Variants in PRKCE observed in about 807,000 individuals in gnomAD.
PRKCE encodes protein kinase C epsilon type.
Under a neutral mutation model 85.4 loss-of-function variants are expected in PRKCE, and 16 were observed. That is an observed-to-expected ratio of 0.19 (90% CI 0.13 to 0.28). The LOEUF is 0.28. PRKCE is among the 10% of genes least tolerant of loss of function. PRKCE has a pLI of 1.00. For synonymous variants in PRKCE, 388 were observed against 371.5 expected, an observed-to-expected ratio of 1.04 and a Z score of -0.51; for missense variants, 573 against 975.2, an observed-to-expected ratio of 0.59 and a Z score of 5.49.
chr2:45,670,362 C>T (rs796202332), intron 1 of PRKCE, among the ~76,000 whole-genome samples: 10 of 152,296 alleles, frequency 6.6e-5, no homozygotes, highest in African/African-American at 2.4e-4. Context: ...TTTTCAAACT[C>T]TGGGTCAGGA....
chr2:46,126,181 A>C (rs1673829670), intron 11 of PRKCE, among the ~76,000 whole-genome samples: 1 of 152,190 alleles, frequency 6.6e-6, no homozygotes, highest in African/African-American at 2.4e-5. Flanking sequence ...GATTCCATTC[A>C]ACCCACAGAG....
At chr2:45,728,433 C>T (rs753884135) in intron 1 of PRKCE, among the ~76,000 whole-genome samples, 6 of 152,198 alleles carry the variant, frequency 3.9e-5, no homozygotes, top group Non-Finnish European at 5.9e-5. Context: ...TCACCAGAAC[C>T]CTTCCCCCAA....
intron 13 of PRKCE, 103 bp downstream of exon 13, chr2:46,151,332 T>A: frequency 9.4e-7 from 1 of 1,063,784 alleles, no homozygotes. Context: ...CACTCCCTTC[T>A]CCCTTTCTCT....
In PRKCE at chr2:46,180,777, G is replaced by A. The variant is rs202082042; in HGVS notation, c.2068-3958G>A. On this transcript the variant is annotated intron_variant, in intron 14 of 14. Coordinates refer to ENST00000306156, the MANE Select transcript of PRKCE (RefSeq NM_005400.3). The stretch of plus-strand genomic sequence containing the variant: ...CTATAGTGTGCCTGTTACCACCCCC[G>A]TGTGACAGATGGAAAGACCACGGCT... 1.2e-4 allele frequency among the ~76,000 whole-genome samples: 19 copies of A among 152,272 alleles called. No homozygotes were observed. The South Asian group carries it at 1.7e-3, about 13-fold the overall frequency.
At chr2:45,884,931 C>T (rs1193709205) in intron 2 of PRKCE, among the ~76,000 whole-genome samples, 5 of 108,374 alleles carry the variant, frequency 4.6e-5, no homozygotes, top group Admixed American at 1.0e-4. Context: ...GTATAAGCTG[C>T]GTGTGATCTG....
At chr2:45,723,756 C>T (rs909625393) in intron 1 of PRKCE, among the ~76,000 whole-genome samples, 1 of 152,068 alleles carries the variant, frequency 6.6e-6, no homozygotes, top group Non-Finnish European at 1.5e-5. Flanking sequence ...GGGCGCCCAC[C>T]ACCACACCCA....
chr2:46,063,083 C>A (rs1454760092), intron 10 of PRKCE, among the ~76,000 whole-genome samples: 2 of 152,218 alleles, frequency 1.3e-5, no homozygotes, highest in Admixed American at 1.3e-4. Context: ...TGCTAAGTAG[C>A]TTGCAGTTAA....
intron 1 of PRKCE, among the ~76,000 whole-genome samples, chr2:45,794,347 T>C (rs555682938): frequency 6.6e-6 from 1 of 152,252 alleles, no homozygotes; most frequent in African/African-American, 2.4e-5. Flanking sequence ...CTTCGAATAA[T>C]GAATTATTCA....
chr2:46,012,854 A>C (rs930807404), intron 10 of PRKCE, among the ~76,000 whole-genome samples: 1 of 152,232 alleles, frequency 6.6e-6, no homozygotes, highest in African/African-American at 2.4e-5. Flanking sequence ...GGTGTTGAAT[A>C]ACACCAGGGA....
chr2:45,885,001 A>ATATTTTTTTTTTTTTTT (rs1342824133), intron 2 of PRKCE, among the ~76,000 whole-genome samples: 2 of 71,544 alleles, frequency 2.8e-5, no homozygotes, highest in Non-Finnish European at 5.4e-5. Context: ...ATATATATAT[A>ATATTTTTTTTTTTTTTT]TTTGTTGTTG....
intron 11 of PRKCE, among the ~76,000 whole-genome samples, chr2:46,095,238 G>C (rs1670570450): frequency 6.6e-6 from 1 of 152,204 alleles, no homozygotes. Flanking sequence ...TTTCCTCTTG[G>C]AGTGCTTCGA....
chr2:46,150,191 C>A (rs183640512), intron 12 of PRKCE, among the ~76,000 whole-genome samples: 2 of 152,254 alleles, frequency 1.3e-5, no homozygotes, highest in Non-Finnish European at 2.9e-5. Context: ...GTCATACATG[C>A]ATTTAATCTA....
At chr2:46,073,022 A>AC (rs1237509539) in intron 10 of PRKCE, among the ~76,000 whole-genome samples, 1 of 152,172 alleles carries the variant, frequency 6.6e-6, no homozygotes, top group African/African-American at 2.4e-5. Context: ...CCCAGGGCCC[A>AC]CCCCAGAATC....
intron 6 of PRKCE, among the ~76,000 whole-genome samples, chr2:45,987,446 C>G (rs1210158523): frequency 6.6e-6 from 1 of 152,112 alleles, no homozygotes; most frequent in Non-Finnish European, 1.5e-5. Context: ...TGTTCTGTGA[C>G]CCTCTCCTTC....
chr2:45,835,137 G>T (rs1573544033), intron 1 of PRKCE, among the ~76,000 whole-genome samples: 2 of 152,188 alleles, frequency 1.3e-5, no homozygotes, highest in Non-Finnish European at 2.9e-5. Flanking sequence ...AACTCTGAAT[G>T]AGTCCTTTTA....
At chr2:45,668,779 G>A (rs766999373) in intron 1 of PRKCE, among the ~76,000 whole-genome samples, 55 of 152,100 alleles carry the variant, frequency 3.6e-4, no homozygotes, top group Non-Finnish European at 5.9e-4. Flanking sequence ...ACGGAGTTGT[G>A]AGACTCATTT....
intron 1 of PRKCE, among the ~76,000 whole-genome samples, chr2:45,817,804 G>C (rs1689202308): frequency 6.6e-6 from 1 of 152,216 alleles, no homozygotes; most frequent in African/African-American, 2.4e-5. Context: ...ATGAAGCTGG[G>C]AGTGGAATCC....
chr2:46,159,766 C>T lies in PRKCE; in HGVS notation c.2067+14C>T, dbSNP rs570199295. ...AAACCACGCATTGTAAGTTGGTCCC[C>T]GTGCACGTTCAGCACCATGGGTCGG... On this transcript the variant is annotated intron_variant, in intron 14 of 14. Coordinates refer to ENST00000306156, the MANE Select transcript of PRKCE (RefSeq NM_005400.3). The surrounding 1 kb of genome is among the most constrained non-coding windows in gnomAD (Gnocchi z 4.1). 24 of 1,599,028 alleles carry T rather than the reference C, an allele frequency of 1.5e-5. No homozygotes were observed. The highest frequency in any genetic ancestry group is 1.3e-4 in the South Asian group (12 of 90,872).
intron 1 of PRKCE, among the ~76,000 whole-genome samples, chr2:45,815,520 C>T (rs535628742): frequency 6.6e-6 from 1 of 152,252 alleles, no homozygotes; most frequent in South Asian, 2.1e-4. Flanking sequence ...TCTTTTTCTT[C>T]CTCGGTCCCC....
Sources: allele counts gnomAD v4.1 joint callset (sites outside exome capture counted in the v4.1 genomes callset), GRCh38; gene constraint gnomAD v4.1.1; non-coding constraint Gnocchi (gnomAD v3.1); transcripts MANE v1.5; gene names NCBI Gene and HGNC (gene_info 2026-07-23, HGNC 2026-07-21).